Variants in PXDNL observed in about 807,000 individuals in gnomAD.
The protein encoded by PXDNL is probable oxidoreductase PXDNL.
A neutral mutation model predicts 150.8 loss-of-function variants in PXDNL; 145 were observed. The observed-to-expected ratio is 0.96, with a 90% CI of 0.84 to 1.10. The LOEUF (loss-of-function observed/expected upper bound fraction) is 1.10, where lower values mean the gene tolerates loss of function less well. Ranked by LOEUF, PXDNL falls within the 50% of genes least tolerant of loss-of-function variation. PXDNL has a pLI of 0.00. For synonymous variants in PXDNL, 757 were observed against 725.7 expected (o/e 1.04, Z -0.69); for missense variants, 2,087 against 1,873.9 (o/e 1.11, Z -2.10).
intron 4 of PXDNL, among the ~76,000 whole-genome samples, chr8:51,508,252 T>G (rs1298429695): frequency 6.6e-6 from 1 of 152,200 alleles, no homozygotes; most frequent in Non-Finnish European, 1.5e-5. Flanking sequence ...TCTATTAGCT[T>G]TGCCCTCAAT....
intron 1 of PXDNL, among the ~76,000 whole-genome samples, chr8:51,666,827 G>T (rs1236880631): frequency 6.6e-6 from 1 of 152,136 alleles, no homozygotes; most frequent in Non-Finnish European, 1.5e-5. Context: ...GGGGATTTTT[G>T]TAGGAAAGCA....
intron 8 of PXDNL, among the ~76,000 whole-genome samples, chr8:51,471,391 T>G (rs1219731141): frequency 2.0e-5 from 3 of 152,208 alleles, no homozygotes; most frequent in African/African-American, 7.2e-5. Context: ...GGTTTTATGT[T>G]TTATCAAACA....
At chr8:51,505,240 T>C (rs1811260067) in intron 4 of PXDNL, among the ~76,000 whole-genome samples, 1 of 152,220 alleles carries the variant, frequency 6.6e-6, no homozygotes, top group Non-Finnish European at 1.5e-5. Context: ...AAAATCTTCC[T>C]ATGATCTTTA....
chr8:51,743,990 TGAGAGAGAAAGGAGA>T (rs2036937688), intron 1 of PXDNL, among the ~76,000 whole-genome samples: 5 of 42,044 alleles, frequency 1.2e-4, no homozygotes, highest in African/African-American at 7.9e-5. Context: ...GGAAGGAAGG[TGAGAGAGAAAGGAGA>T]GAGAGAGAAA....
At chr8:51,779,929 C>T (rs1585744905) in intron 1 of PXDNL, among the ~76,000 whole-genome samples, 1 of 152,128 alleles carries the variant, frequency 6.6e-6, no homozygotes, top group Admixed American at 6.5e-5. Flanking sequence ...CGCAGAGCCT[C>T]AGCCTGGTGT....
At chr8:51,809,123 G>C (rs1333794027) in intron 1 of PXDNL, 58 bp downstream of exon 1, 8 of 1,565,634 alleles carry the variant, frequency 5.1e-6, no homozygotes, top group Non-Finnish European at 7.0e-6. Context: ...ACAGGTCCTA[G>C]CAGAGAAGCA....
chr8:51,463,214 G>A (rs1810123594), intron 8 of PXDNL, among the ~76,000 whole-genome samples: 1 of 152,012 alleles, frequency 6.6e-6, no homozygotes, highest in Non-Finnish European at 1.5e-5. Flanking sequence ...ACCCTATAAA[G>A]CAACTACACA....
At chr8:51,756,094 T>TA (rs1411679926) in intron 1 of PXDNL, among the ~76,000 whole-genome samples, 1 of 151,828 alleles carries the variant, frequency 6.6e-6, no homozygotes, top group Non-Finnish European at 1.5e-5. Context: ...CACCATCTCT[T>TA]AAAAAAAATC....
At chr8:51,665,419 A>G (rs1403174547) in intron 1 of PXDNL, among the ~76,000 whole-genome samples, 1 of 152,198 alleles carries the variant, frequency 6.6e-6, no homozygotes, top group Admixed American at 6.5e-5. Context: ...TAGTCATGAC[A>G]TGACCAATAT....
intron 1 of PXDNL, among the ~76,000 whole-genome samples, chr8:51,748,528 C>A (rs1490042080): frequency 6.6e-6 from 1 of 152,198 alleles, no homozygotes; most frequent in Non-Finnish European, 1.5e-5. Flanking sequence ...CCGGTCCCAG[C>A]TGGAGCACAG....
chr8:51,689,634 G>A (rs1181726443), intron 1 of PXDNL, among the ~76,000 whole-genome samples: 1 of 151,878 alleles, frequency 6.6e-6, no homozygotes, highest in African/African-American at 2.4e-5. Flanking sequence ...TGCGCCCTAT[G>A]CTGAAGGAAG....
intron 4 of PXDNL, among the ~76,000 whole-genome samples, chr8:51,506,805 T>C (rs772090032): frequency 6.6e-6 from 1 of 152,166 alleles, no homozygotes; most frequent in Non-Finnish European, 1.5e-5. Context: ...ATCATCAATG[T>C]CTTCTCACTG....
intron 2 of PXDNL, among the ~76,000 whole-genome samples, chr8:51,641,416 C>A (rs189770335): frequency 6.7e-6 from 1 of 149,936 alleles, no homozygotes; most frequent in African/African-American, 2.5e-5. Flanking sequence ...AGTGAACAGG[C>A]AACCTAAAAA....
chr8:51,749,159 G>A (rs953167124), intron 1 of PXDNL, among the ~76,000 whole-genome samples: 4 of 152,088 alleles, frequency 2.6e-5, no homozygotes, highest in Non-Finnish European at 4.4e-5. Context: ...GTACAAGGAG[G>A]TATAATTACT....
At chr8:51,594,202 G>A (rs1283567213) in intron 2 of PXDNL, among the ~76,000 whole-genome samples, 1 of 152,204 alleles carries the variant, frequency 6.6e-6, no homozygotes, top group Non-Finnish European at 1.5e-5. Context: ...ATATGTGCAT[G>A]TGTGTATGTA....
chr8:51,427,115 A>G (rs949817179), intron 12 of PXDNL, among the ~76,000 whole-genome samples: 28 of 152,360 alleles, frequency 1.8e-4, no homozygotes, highest in African/African-American at 6.7e-4. Context: ...ATTTATTTGT[A>G]GCTAAGATAA....
intron 1 of PXDNL, among the ~76,000 whole-genome samples, chr8:51,733,062 T>A (rs1231906010): frequency 6.6e-6 from 1 of 152,244 alleles, no homozygotes. Context: ...GTCTAAATTC[T>A]GTTTGTCTGC....
chr8:51,623,146 A>C (rs1042486783), intron 2 of PXDNL, among the ~76,000 whole-genome samples: 1 of 152,220 alleles, frequency 6.6e-6, no homozygotes, highest in East Asian at 1.9e-4. Context: ...GGCCTCTTTC[A>C]TTGTCCTCTC....
At chr8:51,425,610 G>T (rs1475712157) in intron 13 of PXDNL, among the ~76,000 whole-genome samples, 4 of 151,990 alleles carry the variant, frequency 2.6e-5, no homozygotes, top group Admixed American at 2.6e-4. Context: ...GAGGCAGGAG[G>T]ATCATGAGGT....
Sources: gnomAD v4.1 joint callset for allele counts (sites outside exome capture counted in the v4.1 genomes callset) on GRCh38, gnomAD v4.1.1 for gene constraint, MANE v1.5 for transcripts, NCBI Gene and HGNC (gene_info 2026-07-23, HGNC 2026-07-21) for gene names.